The following PCP4 variants were observed in gnomAD, a reference collection of about 807,000 sequenced individuals.
The protein encoded by PCP4 is calmodulin regulator protein PCP4.
In PCP4, 8 loss-of-function variants were observed where a neutral mutation model predicts 10.0. The observed-to-expected ratio is 0.80, with a 90% CI of 0.47 to 1.45. The LOEUF is 1.45. PCP4 is among the 40% of genes most tolerant of loss of function. The pLI is 0.00. For missense variants in PCP4, 54 were observed against 74.4 expected, an observed-to-expected ratio of 0.73 and a Z score of 1.01; for synonymous variants, 21 against 23.0, an observed-to-expected ratio of 0.91 and a Z score of 0.24.
intron 1 of PCP4, among the ~76,000 whole-genome samples, chr21:39,875,142 A>T (rs1261128400): frequency 6.6e-6 from 1 of 152,204 alleles, no homozygotes. Flanking sequence ...TCTTTATTAA[A>T]TAATAGCCAC....
chr21:39,911,969 C>T (rs769712737), intron 2 of PCP4, among the ~76,000 whole-genome samples: 8 of 152,188 alleles, frequency 5.3e-5, no homozygotes, highest in South Asian at 2.1e-4. Flanking sequence ...TAGGTCACCC[C>T]GGCCATTCAC....
intron 1 of PCP4, among the ~76,000 whole-genome samples, chr21:39,871,156 G>A (rs1236241990): frequency 6.6e-6 from 1 of 152,202 alleles, no homozygotes; most frequent in African/African-American, 2.4e-5. Flanking sequence ...CTCGTGAGGT[G>A]AGGACATAGA....
chr21:39,905,253 GAA>G (rs56194710), intron 2 of PCP4, among the ~76,000 whole-genome samples: 9 of 147,958 alleles, frequency 6.1e-5, no homozygotes, highest in East Asian at 2.0e-4. Context: ...GAAGAAATCA[GAA>G]AAAAAAAAAT....
Position 39,888,700 on chromosome 21 carries a change from G to A in PCP4, c.10-9776G>A, listed in dbSNP as rs993311489. On this transcript the variant is annotated intron_variant, in intron 1 of 2. Transcript: ENST00000328619. ...GAGATGGTTGCTTTATTCTCTGCCC[G>A]GCCCTCCAGGCTGTGAGCCACCAAA... Among the ~76,000 whole-genome samples the A allele has an allele frequency of 4.6e-5, 7 of 152,252 alleles. No homozygotes were observed. In the East Asian group the frequency reaches 9.7e-4, roughly 21 times the overall value.
intron 2 of PCP4, among the ~76,000 whole-genome samples, chr21:39,914,966 G>A (rs1046942851): frequency 6.6e-6 from 1 of 152,124 alleles, no homozygotes; most frequent in Non-Finnish European, 1.5e-5. Context: ...AGCTGTGAAA[G>A]GAAGAAACAA....
chr21:39,874,850 C>A (rs2087337551), intron 1 of PCP4, among the ~76,000 whole-genome samples: 2 of 152,144 alleles, frequency 1.3e-5, no homozygotes, highest in Non-Finnish European at 2.9e-5. Flanking sequence ...GAATCCTACA[C>A]ATGCTATGCT....
chr21:39,911,320 C>T (rs1439306535), intron 2 of PCP4, among the ~76,000 whole-genome samples: 1 of 151,450 alleles, frequency 6.6e-6, no homozygotes, highest in Non-Finnish European at 1.5e-5. Context: ...GCATTTCCAA[C>T]TATCTGACAG....
At chr21:39,917,743 G>A (rs937264368) in intron 2 of PCP4, among the ~76,000 whole-genome samples, 1 of 152,120 alleles carries the variant, frequency 6.6e-6, no homozygotes, top group African/African-American at 2.4e-5. Flanking sequence ...TCTTGAAAAT[G>A]TAGGCATTTG....
At chr21:39,887,802 G>A (rs928090642) in intron 1 of PCP4, among the ~76,000 whole-genome samples, 1 of 152,104 alleles carries the variant, frequency 6.6e-6, no homozygotes, top group African/African-American at 2.4e-5. Flanking sequence ...CATAGTAACA[G>A]GCCTTTTTGT....
chr21:39,910,942 C>T (rs115045228), intron 2 of PCP4, among the ~76,000 whole-genome samples: 1,665 of 152,312 alleles, frequency 0.011, 29 homozygotes, highest in African/African-American at 0.035. Context: ...GGTTCACCTG[C>T]AGTGAATCAT....
intron 2 of PCP4, among the ~76,000 whole-genome samples, chr21:39,912,142 C>T (rs907123526): frequency 6.6e-6 from 1 of 152,112 alleles, no homozygotes; most frequent in Non-Finnish European, 1.5e-5. Flanking sequence ...TGTTTCTTGA[C>T]ATCAGTTTCT....
chr21:39,921,431 A>G (rs1297932859), intron 2 of PCP4, among the ~76,000 whole-genome samples: 3 of 152,200 alleles, frequency 2.0e-5, no homozygotes, highest in Non-Finnish European at 4.4e-5. Flanking sequence ...CTCATAAATG[A>G]CTACGTAAGT....
intron 2 of PCP4, among the ~76,000 whole-genome samples, chr21:39,909,533 G>T (rs986703876): frequency 1.3e-5 from 2 of 152,104 alleles, no homozygotes; most frequent in Non-Finnish European, 2.9e-5. Context: ...TGGTTTTTCT[G>T]TTCCAGTTGC....
At chr21:39,908,923 G>A (rs1206478480) in intron 2 of PCP4, among the ~76,000 whole-genome samples, 1 of 152,200 alleles carries the variant, frequency 6.6e-6, no homozygotes, top group Non-Finnish European at 1.5e-5. Flanking sequence ...ATTTGTGACT[G>A]CAGGATCAGC....
intron 1 of PCP4, among the ~76,000 whole-genome samples, chr21:39,877,236 A>G (rs980902570): frequency 7.2e-5 from 11 of 152,202 alleles, no homozygotes; most frequent in Non-Finnish European, 1.5e-4. Context: ...TAAAAAAAGA[A>G]CAGCCACAGA....
At chr21:39,880,130 G>GTATCTATATCCA (rs2087366406) in intron 1 of PCP4, among the ~76,000 whole-genome samples, 1 of 141,518 alleles carries the variant, frequency 7.1e-6, no homozygotes, top group East Asian at 2.2e-4. Flanking sequence ...ATCTATATCT[G>GTATCTATATCCA]TATCTATATC....
chr21:39,891,458 T>G (rs965514374), intron 1 of PCP4, among the ~76,000 whole-genome samples: 2 of 152,250 alleles, frequency 1.3e-5, no homozygotes, highest in African/African-American at 4.8e-5. Context: ...GCACCTTGGA[T>G]CAACGAGAGA....
intron 1 of PCP4, 109 bp downstream of exon 1, chr21:39,867,619 T>C: frequency 2.0e-6 from 2 of 1,004,638 alleles, no homozygotes; most frequent in Non-Finnish European, 3.2e-6. Context: ...AGGAACAAAT[T>C]AATCCTGTAA....
intron 2 of PCP4, among the ~76,000 whole-genome samples, chr21:39,923,627 C>T (rs1339381218): frequency 6.6e-6 from 1 of 152,192 alleles, no homozygotes; most frequent in East Asian, 1.9e-4. Context: ...AGTGATTTTC[C>T]AGTACACGCG....
Sources: allele counts gnomAD v4.1 joint callset (sites outside exome capture counted in the v4.1 genomes callset), GRCh38; gene constraint gnomAD v4.1.1; transcripts MANE v1.5; gene names NCBI Gene and HGNC (gene_info 2026-07-23, HGNC 2026-07-21).